The following MALRD1 variants were observed in gnomAD, a reference collection of about 807,000 sequenced individuals.
The protein encoded by MALRD1 is MAM and LDL receptor class A domain containing 1.
In MALRD1, 247 loss-of-function variants were observed where a neutral mutation model predicts 242.1. The ratio of observed to expected loss-of-function variants is 1.02; its 90% CI spans 0.92 to 1.13. The LOEUF is 1.13. Ranked by LOEUF, MALRD1 falls within the 50% of genes most tolerant of loss-of-function variation. MALRD1 has a pLI of 0.00. For synonymous variants in MALRD1, 995 were observed against 866.6 expected (o/e 1.15, Z -2.60); for missense variants, 2,989 against 2,533.1 (o/e 1.18, Z -3.86).
chr10:19,344,050 G>A (rs749504364), intron 24 of MALRD1, among the ~76,000 whole-genome samples: 4 of 151,848 alleles, frequency 2.6e-5, no homozygotes, highest in Non-Finnish European at 4.4e-5. Context: ...ACACATTATG[G>A]GTATAAGTCT....
intron 14 of MALRD1, among the ~76,000 whole-genome samples, chr10:19,184,036 A>G (rs948420028): frequency 6.6e-6 from 1 of 152,180 alleles, no homozygotes; most frequent in Non-Finnish European, 1.5e-5. Flanking sequence ...ATATCTCAAC[A>G]AAACTTCTCT....
chr10:19,207,515 T>TTG (rs1836837800), intron 17 of MALRD1, among the ~76,000 whole-genome samples: 1 of 151,356 alleles, frequency 6.6e-6, no homozygotes, highest in South Asian at 2.1e-4. Flanking sequence ...TTGTTTGATT[T>TTG]TTTTAGAAAG....
intron 28 of MALRD1, among the ~76,000 whole-genome samples, chr10:19,445,695 TGAGGTGTCACCCTACTGG>T (rs1834934709): frequency 6.6e-6 from 1 of 152,192 alleles, no homozygotes; most frequent in Non-Finnish European, 1.5e-5. Context: ...CCCAGCTGTG[TGAGGTGTCACCCTACTGG>T]GAGGTGTCTC....
In MALRD1 at chr10:19,257,668, T is replaced by A; in HGVS notation, c.2992-16T>A. 6.7e-7 allele frequency: 1 copy of A among 1,497,434 alleles called. No homozygotes were observed. Among genetic ancestry groups the A allele is most frequent in the Non-Finnish European group, 9.0e-7 (1 of 1,107,974 alleles). The allele number at this position is 1,497,434 out of a possible 1,614,324, so 92.8% of individuals were successfully genotyped here. Reference sequence around the variant, plus strand: ...AAACACATTTCTTATTTTTATTTTTTATTTTATTTTTTTAGATATTGGTGG... The same window carrying A: ...AAACACATTTCTTATTTTTATTTTTAATTTTATTTTTTTAGATATTGGTGG... On this transcript the variant is annotated splice_polypyrimidine_tract_variant and intron_variant, in intron 18 of 39. Coordinates refer to ENST00000454679, the MANE Select transcript of MALRD1 (RefSeq NM_001142308.3).
chr10:19,392,576 A>T (rs1423278011), intron 28 of MALRD1, among the ~76,000 whole-genome samples: 14 of 152,218 alleles, frequency 9.2e-5, no homozygotes, highest in Non-Finnish European at 2.1e-4. Flanking sequence ...GGTAAAGAGC[A>T]GTACCATATT....
At chr10:19,615,537 A>T (rs1839111211) in intron 35 of MALRD1, among the ~76,000 whole-genome samples, 1 of 136,886 alleles carries the variant, frequency 7.3e-6, no homozygotes, top group Non-Finnish European at 1.6e-5. Context: ...AAAAAAAAAG[A>T]GGAAGAGAGA....
In MALRD1 at chr10:19,551,736, T is replaced by A. The variant is rs543136210; in HGVS notation, c.5479-15766T>A. Among the ~76,000 whole-genome samples the A allele has an allele frequency of 2.0e-5, 3 of 152,244 alleles. No individual in the cohort carries two copies. In the South Asian group the frequency reaches 6.2e-4, roughly 32 times the overall value. On this transcript the variant is annotated intron_variant, in intron 32 of 39. Coordinates refer to ENST00000454679, the MANE Select transcript of MALRD1 (RefSeq NM_001142308.3). ...TATAATATTGGCTGTGGGTTTGTCT[T>A]GTATGGCTCTTATTTTGAGGTATAT...
chr10:19,729,721 C>CTTTTTTTTTTTTTTTT lies in MALRD1; in HGVS notation c.6315-967_6315-952dup. ...GTGTCTTCTAATAAGTCTATTAATT[C>CTTTTTTTTTTTTTTTT]TTTTTTTTTTTTTTTTTTTTTTTTT... On this transcript the variant is annotated intron_variant, in intron 38 of 39. Coordinates refer to ENST00000454679, the MANE Select transcript of MALRD1 (RefSeq NM_001142308.3). 4.9e-5 allele frequency among the ~76,000 whole-genome samples: 2 copies of CTTTTTTTTTTTTTTTT among 40,642 alleles called. 1 individual carries two copies. The highest frequency in any genetic ancestry group is 8.3e-5 in the Non-Finnish European group (2 of 24,078). 26.7% of individuals were successfully genotyped at this position (40,642 alleles called of 152,430 possible).
chr10:19,528,731 C>T (rs912245698), intron 31 of MALRD1, among the ~76,000 whole-genome samples: 1 of 152,078 alleles, frequency 6.6e-6, no homozygotes, highest in Non-Finnish European at 1.5e-5. Flanking sequence ...TTGCATCTTC[C>T]AGTCCAGCAT....
intron 36 of MALRD1, among the ~76,000 whole-genome samples, chr10:19,655,556 A>C: frequency 7.4e-6 from 1 of 134,526 alleles, no homozygotes; most frequent in Admixed American, 7.3e-5. Flanking sequence ...ATATATATAT[A>C]TATATATATA....
At chr10:19,615,159 A>G (rs976616703) in intron 35 of MALRD1, among the ~76,000 whole-genome samples, 5 of 152,106 alleles carry the variant, frequency 3.3e-5, no homozygotes, top group African/African-American at 1.2e-4. Context: ...TGATCTGGTC[A>G]CTATACACTA....
At chr10:19,628,028 A>G (rs1427244494) in intron 36 of MALRD1, among the ~76,000 whole-genome samples, 1 of 152,096 alleles carries the variant, frequency 6.6e-6, no homozygotes, top group Admixed American at 6.6e-5. Flanking sequence ...TAAATGGTCA[A>G]CACACATTGC....
chr10:19,062,065 T>TCAA (rs140230035), intron 1 of MALRD1, among the ~76,000 whole-genome samples: 3 of 151,492 alleles, frequency 2.0e-5, no homozygotes, highest in Non-Finnish European at 4.4e-5. Flanking sequence ...GAACGACAGC[T>TCAA]CAACAACAAC....
intron 32 of MALRD1, among the ~76,000 whole-genome samples, chr10:19,565,332 A>C (rs1302970682): frequency 6.6e-6 from 1 of 152,156 alleles, no homozygotes; most frequent in East Asian, 1.9e-4. Context: ...ATAAACTGTA[A>C]AACCAATAAA....
At chr10:19,138,438 GGGGAC>G (rs1564416930) in intron 10 of MALRD1, among the ~76,000 whole-genome samples, 4 of 137,682 alleles carry the variant, frequency 2.9e-5, no homozygotes, top group Non-Finnish European at 4.9e-5. Flanking sequence ...TTTTTTTTTT[GGGGAC>G]AGAGTCTTGC....
intron 20 of MALRD1, among the ~76,000 whole-genome samples, chr10:19,280,661 T>C (rs1588842141): frequency 6.6e-6 from 1 of 152,194 alleles, no homozygotes; most frequent in African/African-American, 2.4e-5. Flanking sequence ...GCAGAGTTCA[T>C]GAGAAAACCT....
At chr10:19,470,647 T>C (rs1207882811) in intron 29 of MALRD1, among the ~76,000 whole-genome samples, 2 of 152,000 alleles carry the variant, frequency 1.3e-5, no homozygotes, top group African/African-American at 2.4e-5. Context: ...AGATAGCTCA[T>C]GGAGGTTTTG....
chr10:19,537,608 T>G (rs1003313124), intron 32 of MALRD1, among the ~76,000 whole-genome samples: 6 of 152,200 alleles, frequency 3.9e-5, no homozygotes, highest in Non-Finnish European at 7.3e-5. Flanking sequence ...ATAAAATACC[T>G]CTCTCAGCAG....
intron 18 of MALRD1, among the ~76,000 whole-genome samples, chr10:19,239,063 CTTTTT>C (rs35623542): frequency 7.3e-6 from 1 of 136,904 alleles, no homozygotes; most frequent in South Asian, 2.3e-4. Context: ...TTGTCCTTTT[CTTTTT>C]TTTTTTTTGA....
Sources: gnomAD v4.1 joint callset for allele counts (sites outside exome capture counted in the v4.1 genomes callset) on GRCh38, gnomAD v4.1.1 for gene constraint, MANE v1.5 for transcripts, NCBI Gene and HGNC (gene_info 2026-07-23, HGNC 2026-07-21) for gene names.